Variants in GSTA4 observed in about 807,000 individuals in gnomAD.
GSTA4 encodes the protein glutathione S-transferase A4.
GSTA4 carries 15 observed loss-of-function variants against 24.4 expected under a neutral mutation model. The observed-to-expected ratio is 0.61, with a 90% CI of 0.41 to 0.95. The LOEUF (loss-of-function observed/expected upper bound fraction) is 0.95, where lower values mean the gene tolerates loss of function less well. GSTA4 is among the 40% of genes least tolerant of loss of function. The pLI is 0.00. For missense variants in GSTA4, 244 were observed against 262.1 expected, an observed-to-expected ratio of 0.93 and a Z score of 0.48; for synonymous variants, 92 against 94.2, an observed-to-expected ratio of 0.98 and a Z score of 0.13.
intron 2 of GSTA4, among the ~76,000 whole-genome samples, chr6:52,993,521 A>G (rs989637505): frequency 6.6e-6 from 1 of 152,232 alleles, no homozygotes; most frequent in African/African-American, 2.4e-5. Flanking sequence ...TAAAATCCTC[A>G]TCTGTTAGAG....
intron 1 of GSTA4, among the ~76,000 whole-genome samples, chr6:52,994,804 G>C (rs1224886375): frequency 1.3e-5 from 2 of 152,112 alleles, no homozygotes; most frequent in Non-Finnish European, 2.9e-5. Flanking sequence ...GCGCCCCCCG[G>C]GTCCCGCGTG....
rs916352616 is a variant in GSTA4 at position 52,978,428 on chromosome 6, A to T, written c.*42T>A. On this transcript the variant is annotated 3_prime_UTR_variant, in exon 7 of 7. Coordinates refer to ENST00000370963, the MANE Select transcript of GSTA4 (RefSeq NM_001512.4). ...TTAAGACATGACTGTAGACAATACC[A>T]TCTCTAGGAACACACTGTCACTCAC... The T allele has an allele frequency of 2.5e-6, 4 of 1,600,174 alleles. No individual in the cohort carries two copies. The highest frequency in any genetic ancestry group is 3.4e-6 in the Non-Finnish European group (4 of 1,168,848).
chr6:52,982,534 A>T (rs942054142), intron 6 of GSTA4, 40 bp downstream of exon 6: 1 of 1,524,374 alleles, frequency 6.6e-7, no homozygotes, highest in African/African-American at 1.4e-5. Context: ...GGAAGGCCCA[A>T]GAGTTCTAGG....
At chr6:52,984,943 G>GGTACA (rs1763525037) in intron 4 of GSTA4, among the ~76,000 whole-genome samples, 2 of 152,124 alleles carry the variant, frequency 1.3e-5, no homozygotes, top group East Asian at 3.8e-4. Flanking sequence ...CTTATTGAGT[G>GGTACA]CTTAGAGTGT....
intron 2 of GSTA4, among the ~76,000 whole-genome samples, chr6:52,992,741 T>C (rs921803296): frequency 2.0e-5 from 3 of 152,198 alleles, no homozygotes; most frequent in Non-Finnish European, 4.4e-5. Flanking sequence ...GAAATTGTCA[T>C]GGATTGTTGG....
intron 1 of GSTA4, 72 bp from the exon 2 acceptor site, chr6:52,994,333 G>A (rs1011267554): frequency 4.2e-6 from 3 of 722,246 alleles, no homozygotes; most frequent in South Asian, 1.7e-5. Context: ...AGTGCTCAGG[G>A]GCGAAATGAA....
rs1199307110 is a variant in GSTA4, at chr6:52,985,828, G to A, written c.140-245C>T. On this transcript the variant is annotated intron_variant, in intron 3 of 6. Coordinates refer to ENST00000370963, the MANE Select transcript of GSTA4 (RefSeq NM_001512.4). ...AGCACTTTGGGAGGCCAAGGCAGGC[G>A]GATCATGAGGTCAGGAGTTCAAGAC... 2.6e-5 allele frequency among the ~76,000 whole-genome samples: 4 copies of A among 152,204 alleles called. No individual in the cohort carries two copies. In the South Asian group the frequency reaches 6.2e-4, roughly 24 times the overall value.
At chr6:52,993,290 T>C (rs145244871) in intron 2 of GSTA4, among the ~76,000 whole-genome samples, 3 of 152,296 alleles carry the variant, frequency 2.0e-5, no homozygotes, top group Admixed American at 2.0e-4. Context: ...TTCCCAAATA[T>C]AAATTTGTAA....
rs557844606 is a variant in GSTA4, at chr6:52,978,523, GCTT to G, written c.613_615del (p.Lys205del). The G allele has an allele frequency of 9.1e-4, 1,467 of 1,611,876 alleles. No individual in the cohort carries two copies. Among genetic ancestry groups the G allele is most frequent in the Admixed American group, 1.4e-3 (81 of 59,974 alleles). On this transcript the variant is annotated inframe_deletion, in exon 7 of 7. Coordinates refer to ENST00000370963, the MANE Select transcript of GSTA4 (RefSeq NM_001512.4). ...CTCACATAAATTTCATCAGGGGGAG[GCTT>G]CTTCTTGCTGCCAGGTTCAAGGAAT...
intron 3 of GSTA4, among the ~76,000 whole-genome samples, chr6:52,985,829 G>A (rs1320292537): frequency 6.6e-6 from 1 of 152,132 alleles, no homozygotes; most frequent in African/African-American, 2.4e-5. Context: ...AAGGCAGGCG[G>A]ATCATGAGGT....
intron 5 of GSTA4, among the ~76,000 whole-genome samples, chr6:52,983,673 G>A (rs1191621621): frequency 6.6e-6 from 1 of 152,190 alleles, no homozygotes; most frequent in East Asian, 1.9e-4. Context: ...GGGCCCTTGG[G>A]ACCTAAGAAT....
intron 2 of GSTA4, among the ~76,000 whole-genome samples, chr6:52,990,214 T>C (rs1027216496): frequency 2.0e-5 from 3 of 152,208 alleles, no homozygotes; most frequent in African/African-American, 2.4e-5. Flanking sequence ...CTGACCAGCA[T>C]TGAGAACTCC....
In GSTA4 at chr6:52,987,381, C is replaced by G. The variant is rs1191270162; in HGVS notation, c.115G>C (p.Glu39Gln). Reference sequence around the variant, plus strand: ...CCATCCTGCAACTTGTACAACTGTTCTTTTGTTTCCAGAAATTCTTCATCA... The same window carrying G: ...CCATCCTGCAACTTGTACAACTGTTGTTTTGTTTCCAGAAATTCTTCATCA... The part of the protein sequence containing the change: ...EFDEEFLETK[E>Q]QLYKLQDGNH... The change falls in exon 3 of 7, where the codon GAA (glutamate) becomes CAA (glutamine). Residue 39 changes from glutamate (E) to glutamine (Q), a missense_variant. Coordinates refer to ENST00000370963, the MANE Select transcript of GSTA4 (RefSeq NM_001512.4). The G allele has an allele frequency of 6.3e-7, 1 of 1,588,388 alleles. No homozygotes were observed. Among genetic ancestry groups the G allele is most frequent in the Non-Finnish European group, 8.6e-7 (1 of 1,158,090 alleles).
intron 2 of GSTA4, among the ~76,000 whole-genome samples, chr6:52,990,760 TG>T (rs1372132542): frequency 6.6e-6 from 1 of 152,138 alleles, no homozygotes; most frequent in Non-Finnish European, 1.5e-5. Flanking sequence ...CAGAAGCCTA[TG>T]GGGGTTAGAA....
In GSTA4 at chr6:52,994,210, C is replaced by G. The variant is rs368989019; in HGVS notation, c.34G>C (p.Gly12Arg). 4 of 1,613,554 alleles carry G rather than the reference C, an allele frequency of 2.5e-6. No individual in the cohort carries two copies. The African/African-American group carries it at 5.3e-5, about 22-fold the overall frequency. ...CTCACGGACTCCATCCGGCCTCTTC[C>G]GTTGGGATAGTGGAGCTTGGGCCTT... The part of the protein sequence containing the change: ...AARPKLHYPN[G>R]RGRMESVRWV... Residue 12 changes from glycine to arginine, a missense_variant, in exon 2 of 7, where the codon GGA (glycine) becomes CGA (arginine). Gly to Arg is a moderately radical substitution (Grantham distance 125). Transcript: ENST00000370963.
In GSTA4 at chr6:52,978,129, A is replaced by G; in HGVS notation, c.*341T>C. 1 of 238,000 alleles carries G rather than the reference A, an allele frequency of 4.2e-6. No individual in the cohort carries two copies. Among genetic ancestry groups the G allele is most frequent in the Non-Finnish European group, 8.0e-6 (1 of 125,254 alleles). The allele number at this position is 238,000 out of a possible 1,614,324, so 14.7% of individuals were successfully genotyped here. A position where few individuals can be genotyped will look rare whatever the true frequency, so the allele number is the denominator to read the frequency against. ...AGAACAGGATAAGGAGAGCAGAAAG[A>G]CGCTCAGGAGAGTAGAAAGACACTC... On this transcript the variant is annotated 3_prime_UTR_variant, in exon 7 of 7. Transcript: ENST00000370963.
chr6:52,982,012 C>T (rs1460230476), intron 6 of GSTA4, among the ~76,000 whole-genome samples: 1 of 152,146 alleles, frequency 6.6e-6, no homozygotes, highest in Non-Finnish European at 1.5e-5. Flanking sequence ...CTTAGAATTT[C>T]CTAACTTGAG....
chr6:52,993,569 G>A (rs1402853955), intron 2 of GSTA4, among the ~76,000 whole-genome samples: 1 of 152,212 alleles, frequency 6.6e-6, no homozygotes, highest in Non-Finnish European at 1.5e-5. Flanking sequence ...ATGTTATGAT[G>A]TTTGGATTTT....
At position 52,982,725 on chromosome 6, in the gene GSTA4, A is replaced by G; in HGVS notation, c.415-20T>C. On this transcript the variant is annotated intron_variant, in intron 5 of 6. Coordinates refer to ENST00000370963, the MANE Select transcript of GSTA4 (RefSeq NM_001512.4). ...TAAAATCTGTAGGGAAATGGTGTGC[A>G]TCAGTTACAATATTCCACATGGAGA... The G allele has an allele frequency of 6.3e-7, 1 of 1,597,420 alleles. No individual in the cohort carries two copies.
Sources: allele counts gnomAD v4.1 joint callset (sites outside exome capture counted in the v4.1 genomes callset), GRCh38; gene constraint gnomAD v4.1.1; transcripts MANE v1.5; gene names NCBI Gene and HGNC (gene_info 2026-07-23, HGNC 2026-07-21).